COL11A2: variants seen among roughly 807,000 people sequenced by gnomAD.
The protein encoded by COL11A2 is collagen alpha-2(XI) chain.
A neutral mutation model predicts 273.4 loss-of-function variants in COL11A2; 116 were observed. That is an observed-to-expected ratio of 0.42 (90% CI 0.36 to 0.49). COL11A2 has a LOEUF of 0.49. Ranked by LOEUF, COL11A2 falls within the 20% of genes least tolerant of loss-of-function variation. The pLI, the probability that COL11A2 is intolerant of heterozygous loss-of-function variation, is 0.00. For missense variants in COL11A2, 1,866 were observed against 2,309.0 expected, an observed-to-expected ratio of 0.81 and a Z score of 3.93; for synonymous variants, 782 against 864.2, an observed-to-expected ratio of 0.90 and a Z score of 1.67.
At position 33,169,393 on chromosome 6, in the gene COL11A2, T is replaced by C. The variant is rs781582420; in HGVS notation, c.3788A>G (p.Lys1263Arg). 7.4e-6 allele frequency: 12 copies of C among 1,612,646 alleles called. No individual in the cohort carries two copies. The highest frequency in any genetic ancestry group is 3.3e-5 in the Admixed American group (2 of 60,004). ...PKGPTGDDGP[K>R]GNPGPVGFPG... ...CTGCCCCAAACTCACAGGGTTCCCT[T>C]TGGGGCCATCATCGCCTGTGGGGCC... The change falls in exon 51 of 66, where the codon AAA becomes AGA. Residue 1263 changes from lysine to arginine, a missense_variant. Physicochemically the swap from Lys to Arg is conservative, Grantham distance 26. Transcript: ENST00000341947. This position sits in a 1 kb window ranked among gnomAD's most constrained non-coding sequence, Gnocchi z 5.5.
chr6:33,174,265 G>C (rs772654610), intron 31 of COL11A2, 47 bp from the exon 32 acceptor site: 2 of 1,551,066 alleles, frequency 1.3e-6, no homozygotes, highest in South Asian at 2.4e-5. Flanking sequence ...ATGAAAGGTA[G>C]GGTTCAGGAA....
intron 1 of COL11A2, among the ~76,000 whole-genome samples, chr6:33,191,595 C>T (rs1773112516): frequency 6.6e-6 from 1 of 152,244 alleles, no homozygotes; most frequent in Admixed American, 6.5e-5. Context: ...GTCCTGTTGG[C>T]AGCCAGCCCC....
chr6:33,173,391 C>G lies in COL11A2; in HGVS notation c.2693G>C (p.Gly898Ala). The G allele has an allele frequency of 6.2e-7, 1 of 1,613,098 alleles. No individual in the cohort carries two copies. Among genetic ancestry groups the G allele is most frequent in the Non-Finnish European group, 8.5e-7 (1 of 1,179,960 alleles). ...PGPKGPPGPPGKDGLPGHPGQ... is the reference protein window; with the variant it reads ...PGPKGPPGPPAKDGLPGHPGQ... The stretch of plus-strand genomic sequence containing the variant: ...TGGGTGTCCCGGCAGCCCATCCTTC[C>G]CAGGGGGGCCCTGGAAGGGGTTCAG... Residue 898 changes from glycine (G) to alanine (A), a missense_variant, in exon 37 of 66, where the codon GGG (glycine) becomes GCG (alanine). Transcript: ENST00000341947. This position sits in a 1 kb window ranked among gnomAD's most constrained non-coding sequence, Gnocchi z 6.3.
intron 29 of COL11A2, 103 bp from the exon 30 acceptor site, chr6:33,175,784 C>CT: frequency 8.2e-7 from 1 of 1,215,548 alleles, no homozygotes; most frequent in South Asian, 1.2e-5. Context: ...TAGAGGGGTC[C>CT]CAGGAGCCAC....
rs1769761001 is a variant in COL11A2 at position 33,169,775 on chromosome 6, C to G, written c.3690+56G>C. 1 of 1,606,230 alleles carries G rather than the reference C, an allele frequency of 6.2e-7. No individual in the cohort carries two copies. Among genetic ancestry groups the G allele is most frequent in the African/African-American group, 1.3e-5 (1 of 74,850 alleles). On this transcript the variant is annotated intron_variant, in intron 50 of 65. Transcript: ENST00000341947. The surrounding 1 kb of genome is among the most constrained non-coding windows in gnomAD (Gnocchi z 5.5). ...AAGGAGGTCACAGGAAAAGTGGAGG[C>G]AGGGTTGAGGCGGGTGACGGGGACT... is the stretch of plus-strand genomic sequence containing the variant.
Position 33,165,054 on chromosome 6 carries a change from C to T in COL11A2, c.4751-90G>A. On this transcript the variant is annotated intron_variant, in intron 63 of 65. Coordinates refer to ENST00000341947, the MANE Select transcript of COL11A2 (RefSeq NM_080680.3). This position sits in a 1 kb window ranked among gnomAD's most constrained non-coding sequence, Gnocchi z 7.7. ...CCCACATTCCCTCTTCCCTCCCAGC[C>T]CTCCCCATCATGCTCTTAGTCTCCT... 2.0e-6 allele frequency: 2 copies of T among 977,340 alleles called. No individual in the cohort carries two copies. Among genetic ancestry groups the T allele is most frequent in the Non-Finnish European group, 3.2e-6 (2 of 629,686 alleles). 60.5% of individuals were successfully genotyped at this position (977,340 alleles called of 1,614,324 possible).
At position 33,169,510 on chromosome 6, in the gene COL11A2, C is replaced by A. The variant is rs1441772365; in HGVS notation, c.3691-20G>T. 1 of 1,608,232 alleles carries A rather than the reference C, an allele frequency of 6.2e-7. No individual in the cohort carries two copies. Among genetic ancestry groups the A allele is most frequent in the Non-Finnish European group, 8.5e-7 (1 of 1,176,206 alleles). The stretch of plus-strand genomic sequence containing the variant: ...TGGACCCTGCAGAACAAGCGGAGGA[C>A]ACAGATGGCCCAGGGAATCTTGAAG... On this transcript the variant is annotated intron_variant, in intron 50 of 65. Transcript: ENST00000341947. This position sits in a 1 kb window ranked among gnomAD's most constrained non-coding sequence, Gnocchi z 5.5.
chr6:33,175,363 A>G (rs907897967), intron 30 of COL11A2: 46 of 689,738 alleles, frequency 6.7e-5, no homozygotes, highest in Non-Finnish European at 8.5e-5. Flanking sequence ...GTCTCCGTCC[A>G]ACTCTTCGTG....
At position 33,166,006 on chromosome 6, in the gene COL11A2, C is replaced by T; in HGVS notation, c.4429-22G>A. On this transcript the variant is annotated intron_variant, in intron 61 of 65. Coordinates refer to ENST00000341947, the MANE Select transcript of COL11A2 (RefSeq NM_080680.3). The surrounding 1 kb of genome is among the most constrained non-coding windows in gnomAD (Gnocchi z 4.8). The stretch of plus-strand genomic sequence containing the variant: ...GGCCCTGACAAGGAATAAATCAGGT[C>T]ATGGAGGGGTCAAGAGGTCAAGCAT... 6.2e-7 allele frequency: 1 copy of T among 1,613,910 alleles called. No individual in the cohort carries two copies. Among genetic ancestry groups the T allele is most frequent in the South Asian group, 1.1e-5 (1 of 91,070 alleles).
chr6:33,163,531 CT>C lies in COL11A2; in HGVS notation c.*146del. 2 of 1,304,194 alleles carry C rather than the reference CT, an allele frequency of 1.5e-6. No homozygotes were observed. Among genetic ancestry groups the C allele is most frequent in the Non-Finnish European group, 2.2e-6 (2 of 919,420 alleles). 80.8% of individuals were successfully genotyped at this position (1,304,194 alleles called of 1,614,324 possible). A position where few individuals can be genotyped will look rare whatever the true frequency, so the allele number is the denominator to read the frequency against. On this transcript the variant is annotated 3_prime_UTR_variant, in exon 66 of 66. Transcript: ENST00000341947. This position sits in a 1 kb window ranked among gnomAD's most constrained non-coding sequence, Gnocchi z 4.1. ...TCCAGGCAACCACTTCACCCCTCCCCTGGCCTGCCCCGACTGAGGGCTCTCC... is the reference window on the plus strand; with the variant it reads ...TCCAGGCAACCACTTCACCCCTCCCCGGCCTGCCCCGACTGAGGGCTCTCC...
rs754205211 is a variant in COL11A2 at position 33,164,464 on chromosome 6, C to T, written c.4873G>A (p.Val1625Met). 1.9e-5 allele frequency: 29 copies of T among 1,550,504 alleles called. No homozygotes were observed. The highest frequency in any genetic ancestry group is 2.4e-5 in the Non-Finnish European group (27 of 1,145,472). Residue 1625 changes from valine (V) to methionine (M), a missense_variant, in exon 65 of 66, where the codon GTG becomes ATG. Val to Met is a conservative substitution (Grantham distance 21). Coordinates refer to ENST00000341947, the MANE Select transcript of COL11A2 (RefSeq NM_080680.3). This position sits in a 1 kb window ranked among gnomAD's most constrained non-coding sequence, Gnocchi z 4.7. The part of the protein sequence containing the change: ...PRDDVTQFSY[V>M]DSEGSPVGVV... ...CCCACTGGGGAGCCCTCTGAGTCCACGTAAGAGAACTGGAAGGAGAGAGAG... is the reference window on the plus strand; with the variant it reads ...CCCACTGGGGAGCCCTCTGAGTCCATGTAAGAGAACTGGAAGGAGAGAGAG...
At position 33,170,803 on chromosome 6, in the gene COL11A2, A is replaced by G. The variant is rs1327377130; in HGVS notation, c.3474+7T>C. ...CCTCTCAGCCCCTGTCCTATCCCCC[A>G]ACACACCTGTAGGCCAATGGGTCCT... On this transcript the variant is annotated splice_region_variant and intron_variant, in intron 46 of 65. Transcript: ENST00000341947. This position sits in a 1 kb window ranked among gnomAD's most constrained non-coding sequence, Gnocchi z 4.3. 6.2e-7 allele frequency: 1 copy of G among 1,611,438 alleles called. No homozygotes were observed. The highest frequency in any genetic ancestry group is 8.5e-7 in the Non-Finnish European group (1 of 1,179,402).
At chr6:33,181,318 C>A in intron 8 of COL11A2, 148 bp from the exon 9 acceptor site, 1 of 820,306 alleles carries the variant, frequency 1.2e-6, no homozygotes. Flanking sequence ...TCCCCTAAAA[C>A]TCCCTCTTCA....
At chr6:33,183,038 G>A (rs1267292066) in intron 8 of COL11A2, among the ~76,000 whole-genome samples, 1 of 152,154 alleles carries the variant, frequency 6.6e-6, no homozygotes, top group Non-Finnish European at 1.5e-5. Flanking sequence ...AGAAGCTCAA[G>A]GGAGGCAAGA....
chr6:33,174,638 CT>C, intron 30 of COL11A2, 58 bp from the exon 31 acceptor site: 1 of 1,544,718 alleles, frequency 6.5e-7, no homozygotes, highest in Non-Finnish European at 8.9e-7. Flanking sequence ...CACTCCACCC[CT>C]GGAGACCTCA....
rs2744505 is a variant in COL11A2 at position 33,185,345 on chromosome 6, C to G, written c.877-291G>C. 0.1 allele frequency among the ~76,000 whole-genome samples: 15,394 copies of G among 152,148 alleles called. 1,019 individuals are homozygous for G. The highest frequency in any genetic ancestry group is 0.18 in the South Asian group (882 of 4,824). Reference sequence around the variant, plus strand: ...CCAGGCAGTGGGGGAAGCTGCCCTCCGAGCTGGGCATCGGGAAAGGGGAGG... The same window carrying G: ...CCAGGCAGTGGGGGAAGCTGCCCTCGGAGCTGGGCATCGGGAAAGGGGAGG... On this transcript the variant is annotated intron_variant, in intron 6 of 65. Transcript: ENST00000341947.
In COL11A2 at chr6:33,173,095, C is replaced by T. The variant is rs956025660; in HGVS notation, c.2755G>A (p.Gly919Ser). ...ACCACTCCTGGAGGACCAGGGGGGC[C>T]GGTCTTCCCTTGGAAACCCTAGGCG... The part of the protein sequence containing the change: ...RGEVGFQGKT[G>S]PPGPPGVVGP... Residue 919 changes from glycine (G) to serine (S), a missense_variant, in exon 38 of 66, where the codon GGC (glycine) becomes AGC (serine). Transcript: ENST00000341947. This position sits in a 1 kb window ranked among gnomAD's most constrained non-coding sequence, Gnocchi z 6.3. 4.3e-6 allele frequency: 7 copies of T among 1,612,306 alleles called. No individual in the cohort carries two copies. The highest frequency in any genetic ancestry group is 2.2e-5 in the East Asian group (1 of 44,858).
rs1771510020 is a variant in COL11A2, at chr6:33,179,971, T to C, written c.1360-166A>G. Reference sequence around the variant, plus strand: ...TAGAGGATTCCAGAAACTCAACTCCTGCCCTCCTCCACTGTCCAGCCTCTG... The same window carrying C: ...TAGAGGATTCCAGAAACTCAACTCCCGCCCTCCTCCACTGTCCAGCCTCTG... On this transcript the variant is annotated intron_variant, in intron 12 of 65. Coordinates refer to ENST00000341947, the MANE Select transcript of COL11A2 (RefSeq NM_080680.3). This position sits in a 1 kb window ranked among gnomAD's most constrained non-coding sequence, Gnocchi z 6.4. 6.6e-6 allele frequency among the ~76,000 whole-genome samples: 1 copy of C among 152,216 alleles called. No individual in the cohort carries two copies. Among genetic ancestry groups the C allele is most frequent in the Non-Finnish European group, 1.5e-5 (1 of 68,030 alleles).
At position 33,171,748 on chromosome 6, in the gene COL11A2, C is replaced by A; in HGVS notation, c.3115G>T (p.Gly1039Cys). 6.2e-7 allele frequency: 1 copy of A among 1,613,042 alleles called. No homozygotes were observed. Among genetic ancestry groups the A allele is most frequent in the Non-Finnish European group, 8.5e-7 (1 of 1,180,010 alleles). Reference sequence around the variant, plus strand: ...TTCTCTCCTGCTGCTCCAGGGGGACCCTGCGGGCCTGGGCGCCCTGGCGGA... The same window carrying A: ...TTCTCTCCTGCTGCTCCAGGGGGACACTGCGGGCCTGGGCGCCCTGGCGGA... ...IGPPGRPGPQ[G>C]PPGAAGEKGV... The change falls in exon 42 of 66, where the codon GGT becomes TGT. Residue 1039 changes from glycine (G) to cysteine (C), a missense_variant. Transcript: ENST00000341947.
Sources: gnomAD v4.1 joint callset for allele counts (sites outside exome capture counted in the v4.1 genomes callset) on GRCh38, gnomAD v4.1.1 for gene constraint, Gnocchi (gnomAD v3.1) non-coding constraint, MANE v1.5 for transcripts, NCBI Gene and HGNC (gene_info 2026-07-23, HGNC 2026-07-21) for gene names.